MCTP1: variants seen among roughly 807,000 people sequenced by gnomAD.
MCTP1 encodes the protein multiple C2 and transmembrane domain containing 1.
MCTP1 carries 69 observed loss-of-function variants against 120.6 expected under a neutral mutation model. The ratio of observed to expected loss-of-function variants is 0.57; its 90% CI spans 0.47 to 0.70. MCTP1 has a LOEUF of 0.70. MCTP1 is among the 30% of genes least tolerant of loss of function. The pLI, the probability that MCTP1 is intolerant of heterozygous loss-of-function variation, is 0.00. For missense variants in MCTP1, 1,203 were observed against 1,248.8 expected, an observed-to-expected ratio of 0.96 and a Z score of 0.55; for synonymous variants, 529 against 493.1, an observed-to-expected ratio of 1.07 and a Z score of -0.96.
intron 9 of MCTP1, 109 bp downstream of exon 9, chr5:94,912,697 T>A: frequency 2.4e-6 from 2 of 848,052 alleles, no homozygotes; most frequent in Non-Finnish European, 3.4e-6. Flanking sequence ...TTCAAAAGAG[T>A]TTGTTAAGCA....
intron 1 of MCTP1, among the ~76,000 whole-genome samples, chr5:95,250,309 T>G (rs1012679694): frequency 1.2e-4 from 18 of 152,280 alleles, no homozygotes; most frequent in African/African-American, 3.8e-4. Context: ...CCCATGGGAC[T>G]TGGGGGCTGA....
At chr5:94,760,878 T>TCATAG (rs1771175930) in intron 19 of MCTP1, among the ~76,000 whole-genome samples, 1 of 151,832 alleles carries the variant, frequency 6.6e-6, no homozygotes, top group Admixed American at 6.6e-5. Flanking sequence ...AGAGACAGGG[T>TCATAG]CCCACTATGT....
chr5:94,924,284 A>G (rs1405654318), intron 6 of MCTP1, among the ~76,000 whole-genome samples: 1 of 152,140 alleles, frequency 6.6e-6, no homozygotes, highest in East Asian at 1.9e-4. Flanking sequence ...AATATATTTT[A>G]GAGTCTGATG....
In MCTP1 at chr5:94,710,853, T is replaced by C. The variant is rs1756685411; in HGVS notation, c.2795A>G (p.Tyr932Cys). ...GACAATGTATCTCAGCGGAATGCAG[T>C]ACAGGATGGCTGTGAACACACAGAG... Reference protein sequence around the residue: ...VALCVFTAILYCIPLRYIVLV... With the variant: ...VALCVFTAILCCIPLRYIVLV... Residue 932 changes from tyrosine (Y) to cysteine (C), a missense_variant, in exon 21 of 23, where the codon TAC (tyrosine) becomes TGC (cysteine). Transcript: ENST00000515393. 1 of 1,612,970 alleles carries C rather than the reference T, an allele frequency of 6.2e-7. No individual in the cohort carries two copies. The highest frequency in any genetic ancestry group is 8.5e-7 in the Non-Finnish European group (1 of 1,179,312).
intron 1 of MCTP1, among the ~76,000 whole-genome samples, chr5:95,237,737 G>A (rs1440057061): frequency 1.3e-5 from 2 of 152,002 alleles, no homozygotes; most frequent in Non-Finnish European, 2.9e-5. Flanking sequence ...ATTTCTCTTC[G>A]AAAATTCATT....
chr5:94,912,209 C>G (rs468743), intron 9 of MCTP1, among the ~76,000 whole-genome samples: 106,690 of 151,510 alleles, frequency 0.7, 38,709 homozygotes, highest in Middle Eastern at 0.8. Flanking sequence ...GGTGGATCAT[C>G]AGGTCAGGAG....
chr5:95,002,583 G>A (rs1341395642), intron 2 of MCTP1, among the ~76,000 whole-genome samples: 1 of 152,206 alleles, frequency 6.6e-6, no homozygotes, highest in Non-Finnish European at 1.5e-5. Context: ...ATTGGATTTT[G>A]GACTTGTATG....
At chr5:94,726,772 G>A (rs1762211888) in intron 19 of MCTP1, among the ~76,000 whole-genome samples, 3 of 152,140 alleles carry the variant, frequency 2.0e-5, no homozygotes, top group Non-Finnish European at 1.5e-5. Context: ...GAGTTCCTGG[G>A]ACTATAACCC....
At chr5:94,941,973 A>G (rs1817842381) in intron 4 of MCTP1, among the ~76,000 whole-genome samples, 1 of 152,038 alleles carries the variant, frequency 6.6e-6, no homozygotes, top group Non-Finnish European at 1.5e-5. Context: ...CATTTTATAT[A>G]TAGTAGTCCA....
chr5:94,889,650 T>C (rs1193924577), intron 11 of MCTP1, among the ~76,000 whole-genome samples: 1 of 152,064 alleles, frequency 6.6e-6, no homozygotes, highest in Admixed American at 6.6e-5. Flanking sequence ...TTTGCCATTT[T>C]AGTATGTATA....
chr5:95,008,350 C>T (rs1003908717), intron 2 of MCTP1, among the ~76,000 whole-genome samples: 1 of 152,114 alleles, frequency 6.6e-6, no homozygotes, highest in Middle Eastern at 3.2e-3. Context: ...TCACCCCTTA[C>T]CAATTGAGAA....
chr5:95,065,593 G>T (rs1202522000), intron 1 of MCTP1, among the ~76,000 whole-genome samples: 3 of 152,138 alleles, frequency 2.0e-5, no homozygotes, highest in Non-Finnish European at 4.4e-5. Flanking sequence ...GCAAGGCAGG[G>T]ATAGACGAGA....
intron 1 of MCTP1, among the ~76,000 whole-genome samples, chr5:95,097,751 A>G (rs957303867): frequency 6.6e-6 from 1 of 152,244 alleles, no homozygotes; most frequent in Non-Finnish European, 1.5e-5. Context: ...AAGATTCAGG[A>G]TGTATTTTGG....
At chr5:95,219,338 C>T (rs1252917916) in intron 1 of MCTP1, among the ~76,000 whole-genome samples, 2 of 144,746 alleles carry the variant, frequency 1.4e-5, no homozygotes, top group African/African-American at 2.6e-5. Flanking sequence ...GCCAAGATCG[C>T]GTCACTGCAC....
intron 2 of MCTP1, among the ~76,000 whole-genome samples, chr5:95,001,714 T>C (rs1833733658): frequency 6.6e-6 from 1 of 152,178 alleles, no homozygotes; most frequent in Admixed American, 6.5e-5. Context: ...CGGCAAACTG[T>C]TCAAGAGAAA....
intron 1 of MCTP1, among the ~76,000 whole-genome samples, chr5:95,113,706 T>C (rs892431288): frequency 1.3e-5 from 2 of 152,164 alleles, no homozygotes; most frequent in African/African-American, 4.8e-5. Flanking sequence ...AAAGGCATTG[T>C]AGGCCACAAG....
chr5:95,146,448 C>T (rs1760402956), intron 1 of MCTP1, among the ~76,000 whole-genome samples: 1 of 152,058 alleles, frequency 6.6e-6, no homozygotes, highest in Admixed American at 6.5e-5. Flanking sequence ...GTTATTTTCT[C>T]CTCTACTTCC....
intron 1 of MCTP1, among the ~76,000 whole-genome samples, chr5:95,275,406 G>A (rs558712874): frequency 3.3e-5 from 5 of 152,258 alleles, no homozygotes; most frequent in African/African-American, 1.2e-4. Flanking sequence ...GAGGGCAGGG[G>A]CTCCCTGGTC....
chr5:94,759,235 C>T (rs1039842262), intron 19 of MCTP1, among the ~76,000 whole-genome samples: 1 of 152,106 alleles, frequency 6.6e-6, no homozygotes, highest in African/African-American at 2.4e-5. Flanking sequence ...CATTAATTCC[C>T]GAGAAAAGAC....
Sources: allele counts gnomAD v4.1 joint callset (sites outside exome capture counted in the v4.1 genomes callset), GRCh38; gene constraint gnomAD v4.1.1; transcripts MANE v1.5; gene names NCBI Gene and HGNC (gene_info 2026-07-23, HGNC 2026-07-21).